GPC6: variants seen among roughly 807,000 people sequenced by gnomAD.
The protein encoded by GPC6 is glypican-6.
Under a neutral mutation model 55.2 loss-of-function variants are expected in GPC6, and 14 were observed. The ratio of observed to expected loss-of-function variants is 0.25; its 90% CI spans 0.17 to 0.40. The LOEUF is 0.40. Among genes scored for constraint, GPC6 ranks in the 10% least tolerant of loss-of-function variants. GPC6 has a pLI of 1.00. For missense variants in GPC6, 641 were observed against 708.5 expected (o/e 0.90, Z 1.08); for synonymous variants, 278 against 259.6 (o/e 1.07, Z -0.68).
At chr13:93,547,029 C>T (rs1228285665) in intron 2 of GPC6, among the ~76,000 whole-genome samples, 2 of 151,852 alleles carry the variant, frequency 1.3e-5, no homozygotes, top group Non-Finnish European at 2.9e-5. Flanking sequence ...ACAAGTAAAG[C>T]AATTCACCAA....
chr13:93,631,894 C>T (rs535203868), intron 2 of GPC6, among the ~76,000 whole-genome samples: 8 of 152,200 alleles, frequency 5.3e-5, no homozygotes, highest in Non-Finnish European at 8.8e-5. Flanking sequence ...TTAGTATGTG[C>T]CTTCTGGGAT....
chr13:93,510,367 T>C (rs190602842), intron 1 of GPC6, among the ~76,000 whole-genome samples: 1 of 152,220 alleles, frequency 6.6e-6, no homozygotes, highest in Non-Finnish European at 1.5e-5. Flanking sequence ...ACTCTCTACC[T>C]CCATGTGATC....
intron 3 of GPC6, among the ~76,000 whole-genome samples, chr13:93,844,015 T>C (rs1046315934): frequency 5.9e-5 from 9 of 152,206 alleles, no homozygotes; most frequent in Non-Finnish European, 1.0e-4. Context: ...ATATTTAATA[T>C]ACAAATAGCA....
chr13:93,540,713 T>G (rs1442958302), intron 1 of GPC6, among the ~76,000 whole-genome samples: 4 of 152,148 alleles, frequency 2.6e-5, no homozygotes, highest in African/African-American at 9.6e-5. Context: ...TTTCTAGCAT[T>G]TTGAAACTAT....
intron 1 of GPC6, among the ~76,000 whole-genome samples, chr13:93,270,727 A>G (rs1877490159): frequency 1.3e-5 from 2 of 151,418 alleles, no homozygotes; most frequent in South Asian, 4.1e-4. Context: ...CCTCAAAAAA[A>G]AAAAAAAAAA....
Position 93,419,434 on chromosome 13 carries a change from CAT to C in GPC6, c.161-125827_161-125826del, listed in dbSNP as rs538888866. 4.6e-5 allele frequency among the ~76,000 whole-genome samples: 7 copies of C among 151,936 alleles called. No homozygotes were observed. The South Asian group carries it at 1.5e-3, about 32-fold the overall frequency. On this transcript the variant is annotated intron_variant, in intron 1 of 8. Transcript: ENST00000377047. ...AAAATACTATGTTAATGCAGAGTAA[CAT>C]AGAAAGGTTGCTTGCATTTCAACCT...
intron 1 of GPC6, among the ~76,000 whole-genome samples, chr13:93,434,971 C>G (rs922832218): frequency 6.6e-6 from 1 of 152,194 alleles, no homozygotes; most frequent in East Asian, 1.9e-4. Context: ...TCCCAAAGTG[C>G]TGGGATTACA....
chr13:93,979,236 A>G (rs1317451793), intron 3 of GPC6, among the ~76,000 whole-genome samples: 4 of 151,408 alleles, frequency 2.6e-5, no homozygotes, highest in African/African-American at 9.7e-5. Context: ...AAATAGCCAC[A>G]TTTGGCTGGT....
chr13:93,383,505 T>C (rs550721914), intron 1 of GPC6, among the ~76,000 whole-genome samples: 95 of 152,304 alleles, frequency 6.2e-4, no homozygotes, highest in African/African-American at 2.2e-3. Context: ...GCGTGACCCA[T>C]TGTGCCCAGC....
chr13:93,654,454 A>G (rs945786072), intron 2 of GPC6, among the ~76,000 whole-genome samples: 1 of 151,882 alleles, frequency 6.6e-6, no homozygotes, highest in Non-Finnish European at 1.5e-5. Flanking sequence ...TAGCCTCCAG[A>G]GTAACTGGGA....
chr13:93,531,479 CA>C (rs1303174367), intron 1 of GPC6, among the ~76,000 whole-genome samples: 1 of 152,020 alleles, frequency 6.6e-6, no homozygotes, highest in Non-Finnish European at 1.5e-5. Context: ...TAAAACCTTT[CA>C]ACTGATTAGG....
intron 1 of GPC6, among the ~76,000 whole-genome samples, chr13:93,451,668 C>T (rs1232687201): frequency 6.6e-6 from 1 of 152,202 alleles, no homozygotes; most frequent in Non-Finnish European, 1.5e-5. Context: ...AACTGACCCT[C>T]TACAAAAATG....
intron 6 of GPC6, among the ~76,000 whole-genome samples, chr13:94,373,614 A>T (rs1202673524): frequency 6.6e-6 from 1 of 152,104 alleles, no homozygotes; most frequent in Non-Finnish European, 1.5e-5. Context: ...TGATGGGGAG[A>T]ATGGAACCAA....
chr13:94,192,935 A>G (rs1889445939), intron 4 of GPC6, among the ~76,000 whole-genome samples: 1 of 152,156 alleles, frequency 6.6e-6, no homozygotes, highest in African/African-American at 2.4e-5. Context: ...TGATGGTTTA[A>G]TGTGAGGTGA....
chr13:94,131,968 AAAT>A (rs1180518872), intron 4 of GPC6, among the ~76,000 whole-genome samples: 1 of 152,192 alleles, frequency 6.6e-6, no homozygotes, highest in African/African-American at 2.4e-5. Context: ...GCAGAGAGAG[AAAT>A]AATGACAGAT....
In GPC6 at chr13:94,099,970, G is replaced by A. The variant is rs146376655; in HGVS notation, c.877+72076G>A. Among the ~76,000 whole-genome samples, 1,012 of 152,142 alleles carry A rather than the reference G, an allele frequency of 6.7e-3. 11 individuals are homozygous for A. The highest frequency in any genetic ancestry group is 0.022 in the African/African-American group (914 of 41,512). On this transcript the variant is annotated intron_variant, in intron 4 of 8. Coordinates refer to ENST00000377047, the MANE Select transcript of GPC6 (RefSeq NM_005708.5). The stretch of plus-strand genomic sequence containing the variant: ...AAACTGCAGATACTTGAGGGTAGAG[G>A]GTGGGAGGAGGGAGAGGAGCAGGAA...
At chr13:94,011,931 G>A (rs761619479) in intron 3 of GPC6, among the ~76,000 whole-genome samples, 5 of 152,164 alleles carry the variant, frequency 3.3e-5, no homozygotes, top group Non-Finnish European at 5.9e-5. Context: ...GAATGAACTT[G>A]AAATAAATTC....
intron 7 of GPC6, among the ~76,000 whole-genome samples, chr13:94,392,341 C>G (rs1237672797): frequency 1.3e-5 from 2 of 150,260 alleles, no homozygotes; most frequent in Non-Finnish European, 2.9e-5. Flanking sequence ...AATAATGGTA[C>G]TATGAACATT....
At chr13:93,354,258 T>C (rs1880746709) in intron 1 of GPC6, among the ~76,000 whole-genome samples, 1 of 152,056 alleles carries the variant, frequency 6.6e-6, no homozygotes, top group Non-Finnish European at 1.5e-5. Flanking sequence ...GAGTTGTTCA[T>C]GGTAAACTGC....
Sources: gnomAD v4.1 joint callset for allele counts (sites outside exome capture counted in the v4.1 genomes callset) on GRCh38, gnomAD v4.1.1 for gene constraint, MANE v1.5 for transcripts, NCBI Gene and HGNC (gene_info 2026-07-23, HGNC 2026-07-21) for gene names.